Variants in CEP170B observed in about 807,000 individuals in gnomAD.
CEP170B encodes centrosomal protein of 170 kDa protein B.
In CEP170B, 55 loss-of-function variants were observed where a neutral mutation model predicts 120.6. That is an observed-to-expected ratio of 0.46 (90% CI 0.37 to 0.57). The LOEUF is 0.57. Among genes scored for constraint, CEP170B ranks in the 20% least tolerant of loss-of-function variants. The pLI is 0.00. For synonymous variants in CEP170B, 1,033 were observed against 954.5 expected, an observed-to-expected ratio of 1.08 and a Z score of -1.52; for missense variants, 2,212 against 2,253.3, an observed-to-expected ratio of 0.98 and a Z score of 0.37.
chr14:104,894,747 A>G lies in CEP170B; in HGVS notation c.4454A>G (p.Asp1485Gly). 6.3e-7 allele frequency: 1 copy of G among 1,597,572 alleles called. No homozygotes were observed. Among genetic ancestry groups the G allele is most frequent in the Non-Finnish European group, 8.5e-7 (1 of 1,172,140 alleles). The stretch of plus-strand genomic sequence containing the variant: ...ATCGTGGACCCCAGTGGGAGCCTGG[A>G]CCTGCTCACAGGAAACAGGAGCTTG... ...NAIVDPSGSL[D>G]LLTGNRSLAS... Residue 1485 changes from aspartate (D) to glycine (G), a missense_variant, in exon 19 of 19, where the codon GAC becomes GGC. This residue lies in a region of CEP170B where 2,166 missense variants were observed against 2,166.7 expected (regional missense o/e 1.00). Transcript: ENST00000414716.
rs777015286 is a variant in CEP170B, at chr14:104,886,276, G to A, written c.2037G>A (p.Glu679=). 6.5e-7 allele frequency: 1 copy of A among 1,531,144 alleles called. No homozygotes were observed. Among genetic ancestry groups the A allele is most frequent in the Non-Finnish European group, 8.7e-7 (1 of 1,144,830 alleles). The allele number at this position is 1,531,144 out of a possible 1,614,324, so 94.8% of individuals were successfully genotyped here. ...ACCGGCTGCCTTTGTGCTCCACAGAGGATGGCCTGGGACGTAGAGGCGGGG... is the reference window on the plus strand; with the variant it reads ...ACCGGCTGCCTTTGTGCTCCACAGAAGATGGCCTGGGACGTAGAGGCGGGG... ...ADSYSDPGLT[E]DGLGRRGGEP... is the part of the protein sequence containing the mutation. Residue 679 remains glutamate, a splice_region_variant and synonymous_variant, in exon 12 of 19, where the codon GAG becomes GAA. Coordinates refer to ENST00000414716, the MANE Select transcript of CEP170B (RefSeq NM_001112726.3).
intron 3 of CEP170B, 74 bp from the exon 4 acceptor site, chr14:104,877,811 C>CCCCCCCT: frequency 3.1e-6 from 2 of 651,480 alleles, no homozygotes; most frequent in Non-Finnish European, 4.8e-6. Flanking sequence ...CTCAGCCCCA[C>CCCCCCCT]CACCCTGCGG....
rs1305255674 is a variant in CEP170B at position 104,865,635 on chromosome 14, G to C, written c.-28+122G>C. 1.3e-5 allele frequency: 2 copies of C among 151,506 alleles called. No individual in the cohort carries two copies. Among genetic ancestry groups the C allele is most frequent in the African/African-American group, 4.8e-5 (2 of 41,354 alleles). The allele number at this position is 151,506 out of a possible 1,614,324, so 9.4% of individuals were successfully genotyped here. ...AGGCCGGACAAAGGCGCGGGGGTTG[G>C]GGGCCGCCCGGCGCACCTGGTCAGG... On this transcript the variant is annotated intron_variant, in intron 1 of 18. Coordinates refer to ENST00000414716, the MANE Select transcript of CEP170B (RefSeq NM_001112726.3). This position sits in a 1 kb window ranked among gnomAD's most constrained non-coding sequence, Gnocchi z 6.7.
At position 104,886,606 on chromosome 14, in the gene CEP170B, C is replaced by T. The variant is rs769785799; in HGVS notation, c.2367C>T (p.Pro789=). The T allele has an allele frequency of 1.3e-4, 198 of 1,518,782 alleles. No individual in the cohort carries two copies. Among genetic ancestry groups the T allele is most frequent in the Non-Finnish European group, 1.2e-4 (136 of 1,136,218 alleles). 94.1% of individuals were successfully genotyped at this position (1,518,782 alleles called of 1,614,324 possible). A position where few individuals can be genotyped will look rare whatever the true frequency, so the allele number is the denominator to read the frequency against. ...GGGGTCGGCGCTCACCAAGGGCCCC[C>T]GGGGAGCCAACTCCCGCCTCTTTCT... The part of the protein sequence containing the change: ...WSRGRRSPRA[P]GEPTPASFFI... The change falls in exon 12 of 19, where the codon CCC becomes CCT. Residue 789 remains proline (P), a synonymous_variant. Coordinates refer to ENST00000414716, the MANE Select transcript of CEP170B (RefSeq NM_001112726.3).
intron 10 of CEP170B, 132 bp downstream of exon 10, chr14:104,885,674 G>A: frequency 2.4e-6 from 3 of 1,257,762 alleles, no homozygotes; most frequent in Non-Finnish European, 3.2e-6. Flanking sequence ...TCAGAGGAGG[G>A]TGGGCTGGGG....
chr14:104,872,479 G>GCGTGTGTGCCGTGTGTGC (rs1555390698), intron 2 of CEP170B, among the ~76,000 whole-genome samples: 3 of 95,966 alleles, frequency 3.1e-5, no homozygotes, highest in African/African-American at 1.2e-4. Flanking sequence ...CCGTGTGTGT[G>GCGTGTGTGCCGTGTGTGC]CGTGTGTGCC....
chr14:104,887,716 G>A lies in CEP170B; in HGVS notation c.3477G>A (p.Glu1159=). ...AGCCCGTGGGCCGGCCAGCTGCTGA[G>A]CAGGCCAAGAAGCTGTCACGCCTGG... is the stretch of plus-strand genomic sequence containing the variant. ...NPEPVGRPAA[E]QAKKLSRLDI... is the part of the protein sequence containing the mutation. Residue 1159 remains glutamate (E), a synonymous_variant, in exon 12 of 19, where the codon GAG becomes GAA. Transcript: ENST00000414716. 1 of 1,586,488 alleles carries A rather than the reference G, an allele frequency of 6.3e-7. No individual in the cohort carries two copies. Among genetic ancestry groups the A allele is most frequent in the South Asian group, 1.1e-5 (1 of 87,382 alleles).
At chr14:104,872,254 A>G (rs1219225131) in intron 2 of CEP170B, among the ~76,000 whole-genome samples, 29 of 82,338 alleles carry the variant, frequency 3.5e-4, no homozygotes, top group African/African-American at 1.3e-3. Context: ...TGTGTGTGCC[A>G]TGTGTGTGCG....
rs752260545 is a variant in CEP170B, at chr14:104,884,048, G to A, written c.1269G>A (p.Thr423=). The A allele has an allele frequency of 1.4e-5, 23 of 1,609,478 alleles. No individual in the cohort carries two copies. The highest frequency in any genetic ancestry group is 1.1e-4 in the East Asian group (5 of 44,836). ...GAAAGAAGCGCTCCCAGTCCTTCAC[G>A]CACAGCCCGTCCGGGGACCCCAAGG... ...TPRKKRSQSF[T]HSPSGDPKAD... is the part of the protein sequence containing the mutation. The change falls in exon 9 of 19, where the codon ACG becomes ACA. Residue 423 remains threonine, a synonymous_variant. Coordinates refer to ENST00000414716, the MANE Select transcript of CEP170B (RefSeq NM_001112726.3).
intron 14 of CEP170B, 22 bp from the exon 15 acceptor site, chr14:104,893,499 CGG>C: frequency 6.3e-7 from 1 of 1,592,332 alleles, no homozygotes; most frequent in Non-Finnish European, 8.5e-7. Flanking sequence ...CTGGGGCCCA[CGG>C]TGCCGGCCCT....
intron 6 of CEP170B, 149 bp downstream of exon 6, chr14:104,880,574 A>G: frequency 8.4e-7 from 1 of 1,186,388 alleles, no homozygotes; most frequent in African/African-American, 1.5e-5. Context: ...CTACCCTTGC[A>G]CATGCACACC....
Position 104,877,861 on chromosome 14 carries a change from C to G in CEP170B, c.196-24C>G, listed in dbSNP as rs539615098. 203 of 1,175,918 alleles carry G rather than the reference C, an allele frequency of 1.7e-4. 13 individuals carry two copies. Among genetic ancestry groups the G allele is most frequent in the East Asian group, 6.3e-4 (22 of 34,966 alleles). 72.8% of individuals were successfully genotyped at this position (1,175,918 alleles called of 1,614,324 possible). On this transcript the variant is annotated intron_variant, in intron 3 of 18. Transcript: ENST00000414716. ...ACCCACCCGCGCAGCTCCCCCCCCC[C>G]CCCCGCCACCTGTTTTCCTGCAGAC...
At position 104,865,877 on chromosome 14, in the gene CEP170B, C is replaced by T. The variant is rs1303611131; in HGVS notation, c.-28+364C>T. ...CGCCTCCCTCCTGGCCTGGTCTCTC[C>T]TCCCGCGGTCCCTCCCTCCGTCTTC... is the stretch of plus-strand genomic sequence containing the variant. On this transcript the variant is annotated intron_variant, in intron 1 of 18. Transcript: ENST00000414716. The surrounding 1 kb of genome is among the most constrained non-coding windows in gnomAD (Gnocchi z 6.7). Among the ~76,000 whole-genome samples, 2 of 152,136 alleles carry T rather than the reference C, an allele frequency of 1.3e-5. No homozygotes were observed. The highest frequency in any genetic ancestry group is 2.4e-5 in the African/African-American group (1 of 41,446).
At position 104,868,568 on chromosome 14, in the gene CEP170B, C is replaced by T. The variant is rs1482493290; in HGVS notation, c.105+13C>T. 1.4e-5 allele frequency: 22 copies of T among 1,546,772 alleles called. No individual in the cohort carries two copies. The highest frequency in any genetic ancestry group is 6.9e-5 in the African/African-American group (5 of 72,964). On this transcript the variant is annotated intron_variant, in intron 2 of 18. Transcript: ENST00000414716. The surrounding 1 kb of genome is among the most constrained non-coding windows in gnomAD (Gnocchi z 5.9). Reference sequence around the variant, plus strand: ...GCTCATGCTACAGGTTTGCAGGGAGCGCTTGGGGCCAGGAGGGTAGGGGGT... The same window carrying T: ...GCTCATGCTACAGGTTTGCAGGGAGTGCTTGGGGCCAGGAGGGTAGGGGGT...
At chr14:104,890,727 G>A (rs1267696345) in intron 13 of CEP170B, among the ~76,000 whole-genome samples, 1 of 120,604 alleles carries the variant, frequency 8.3e-6, no homozygotes, top group Admixed American at 8.0e-5. Context: ...AGTGGTGGGT[G>A]GATGGATGGA....
intron 10 of CEP170B, 65 bp from the exon 11 acceptor site, chr14:104,885,975 C>A: frequency 7.1e-7 from 1 of 1,413,458 alleles, no homozygotes; most frequent in Non-Finnish European, 9.5e-7. Context: ...CTCCTGTTCC[C>A]TGGCACCCCC....
chr14:104,887,795 C>T lies in CEP170B; in HGVS notation c.3556C>T (p.Pro1186Ser). ...RAGSFTGTSD[P>S]EAAPARTSFS... ...CGGCTCCTTCACAGGGACTAGTGAC[C>T]CCGAGGCAGCCCCTGCCCGCACCAG... is the stretch of plus-strand genomic sequence containing the variant. Residue 1186 changes from proline (P) to serine (S), a missense_variant, in exon 12 of 19, where the codon CCC becomes TCC. Pro to Ser is a moderately conservative substitution (Grantham distance 74, BLOSUM62 -1). Around this residue, in one of 2 missense-constraint regions of CEP170B, gnomAD observed 2,166 missense variants for 2,166.7 expected, o/e 1.00. Transcript: ENST00000414716. 1 of 1,585,808 alleles carries T rather than the reference C, an allele frequency of 6.3e-7. No individual in the cohort carries two copies.
chr14:104,870,682 C>T lies in CEP170B; in HGVS notation c.105+2127C>T, dbSNP rs79821257. On this transcript the variant is annotated intron_variant, in intron 2 of 18. Coordinates refer to ENST00000414716, the MANE Select transcript of CEP170B (RefSeq NM_001112726.3). The surrounding 1 kb of genome is among the most constrained non-coding windows in gnomAD (Gnocchi z 4.1). Reference sequence around the variant, plus strand: ...GGGTGCTCAGGGTGAGTTTGGGGTCCGATTCCGAGTTTCTGCACCTGTCAG... The same window carrying T: ...GGGTGCTCAGGGTGAGTTTGGGGTCTGATTCCGAGTTTCTGCACCTGTCAG... Among the ~76,000 whole-genome samples, 2,034 of 152,194 alleles carry T rather than the reference C, an allele frequency of 0.013. 30 individuals carry two copies. Among genetic ancestry groups the T allele is most frequent in the African/African-American group, 0.029 (1,222 of 41,500 alleles).
intron 13 of CEP170B, among the ~76,000 whole-genome samples, chr14:104,890,319 T>G (rs1595357389): frequency 9.4e-6 from 1 of 106,270 alleles, no homozygotes. Flanking sequence ...AGTGGGTGGG[T>G]GGGTGGATGG....
Sources: gnomAD v4.1 joint callset for allele counts (sites outside exome capture counted in the v4.1 genomes callset) on GRCh38, gnomAD v4.1.1 for gene constraint, gnomAD v4.1.1 regional missense constraint, Gnocchi (gnomAD v3.1) non-coding constraint, MANE v1.5 for transcripts, NCBI Gene and HGNC (gene_info 2026-07-23, HGNC 2026-07-21) for gene names.